Variants in DNAH9 observed in about 807,000 individuals in gnomAD.
DNAH9 encodes the protein DNAH9 variant protein.
In DNAH9, 345 loss-of-function variants were observed where a neutral mutation model predicts 471.6. The observed-to-expected ratio is 0.73, with a 90% CI of 0.67 to 0.80. The LOEUF is 0.80. Among genes scored for constraint, DNAH9 ranks in the 30% least tolerant of loss-of-function variants. The pLI is 0.00. For synonymous variants in DNAH9, 2,093 were observed against 2,123.6 expected (o/e 0.99, Z 0.40); for missense variants, 5,407 against 5,609.2 (o/e 0.96, Z 1.15).
chr17:11,941,567 TTGTG>T (rs1974907859), intron 66 of DNAH9, among the ~76,000 whole-genome samples: 1 of 152,068 alleles, frequency 6.6e-6, no homozygotes, highest in South Asian at 2.1e-4. Flanking sequence ...AGCTGACAGT[TTGTG>T]TGGGGAAAAG....
chr17:11,781,621 C>T (rs1195993985), intron 39 of DNAH9, among the ~76,000 whole-genome samples: 2 of 152,132 alleles, frequency 1.3e-5, no homozygotes, highest in Non-Finnish European at 2.9e-5. Flanking sequence ...ATCACAAGGT[C>T]AGGAGTTCGA....
intron 35 of DNAH9, among the ~76,000 whole-genome samples, chr17:11,760,798 G>A (rs776834354): frequency 1.3e-5 from 2 of 152,188 alleles, no homozygotes; most frequent in Non-Finnish European, 2.9e-5. Context: ...GATTACAGGC[G>A]TGAGCCGCCG....
chr17:11,918,857 G>A (rs991237633), intron 61 of DNAH9, among the ~76,000 whole-genome samples: 6 of 152,108 alleles, frequency 3.9e-5, no homozygotes, highest in Admixed American at 1.3e-4. Flanking sequence ...GTGGTGGCAC[G>A]TGCCTGTAAT....
Position 11,930,024 on chromosome 17 carries a change from T to G in DNAH9, c.12036T>G (p.Ile4012Met), listed in dbSNP as rs778099360. 6.2e-7 allele frequency: 1 copy of G among 1,613,998 alleles called. No individual in the cohort carries two copies. The change falls in exon 63 of 69, where the codon ATT (isoleucine) becomes ATG (methionine). Residue 4012 changes from isoleucine to methionine, a missense_variant. By Grantham distance (10) the Ile-to-Met change is conservative. Transcript: ENST00000262442. ...IIPQGILENS[I>M]KITNEPPTGM... Reference sequence around the variant, plus strand: ...CCCAGGGCATCCTGGAGAACTCCATTAAGATCACCAATGAGCCCCCCACGG... The same window carrying G: ...CCCAGGGCATCCTGGAGAACTCCATGAAGATCACCAATGAGCCCCCCACGG...
chr17:11,623,444 G>T lies in DNAH9; in HGVS notation c.1350+3663G>T, dbSNP rs992665300. On this transcript the variant is annotated intron_variant, in intron 6 of 68. Coordinates refer to ENST00000262442, the MANE Select transcript of DNAH9 (RefSeq NM_001372.4). The surrounding 1 kb of genome is among the most constrained non-coding windows in gnomAD (Gnocchi z 4.1). ...TTTCATCTTCCCACGGCTACTCCTT[G>T]CCCCTTTTCCTCATATTTCCTCCCC... Among the ~76,000 whole-genome samples the T allele has an allele frequency of 6.6e-6, 1 of 151,716 alleles. No individual in the cohort carries two copies. Among genetic ancestry groups the T allele is most frequent in the Non-Finnish European group, 1.5e-5 (1 of 67,974 alleles).
chr17:11,869,179 G>A lies in DNAH9; in HGVS notation c.9979G>A (p.Ala3327Thr), dbSNP rs369259110. Residue 3327 changes from alanine (A) to threonine (T), a missense_variant, in exon 51 of 69, where the codon GCA becomes ACA. Physicochemically the swap from Ala to Thr is moderately conservative, Grantham distance 58. Transcript: ENST00000262442. ...LAKLTARFEK[A>T]TADKLKCQQE... Reference sequence around the variant, plus strand: ...AAAGCTCACAGCCAGGTTTGAGAAAGCAACAGCAGACAAACTCAAATGTCA... The same window carrying A: ...AAAGCTCACAGCCAGGTTTGAGAAAACAACAGCAGACAAACTCAAATGTCA... 3.1e-6 allele frequency: 5 copies of A among 1,613,646 alleles called. No homozygotes were observed. In the African/African-American group the frequency reaches 4.0e-5, roughly 13 times the overall value.
At chr17:11,668,274 TG>T (rs371685262) in intron 15 of DNAH9, among the ~76,000 whole-genome samples, 8 of 152,338 alleles carry the variant, frequency 5.3e-5, no homozygotes, top group Non-Finnish European at 1.2e-4. Flanking sequence ...TGTACATCGT[TG>T]ACAAGCCTGC....
chr17:11,618,412 C>A (rs1035051841), intron 5 of DNAH9, among the ~76,000 whole-genome samples: 8 of 151,980 alleles, frequency 5.3e-5, no homozygotes, highest in African/African-American at 1.5e-4. Flanking sequence ...ATGGTGAAAC[C>A]CCATCTCTAC....
intron 32 of DNAH9, among the ~76,000 whole-genome samples, chr17:11,752,004 A>G (rs1967173894): frequency 6.6e-6 from 1 of 152,198 alleles, no homozygotes; most frequent in Non-Finnish European, 1.5e-5. Context: ...CAGTAGCAAT[A>G]AAAATCATGA....
chr17:11,762,181 C>G (rs1471697870), intron 35 of DNAH9, among the ~76,000 whole-genome samples: 1 of 152,174 alleles, frequency 6.6e-6, no homozygotes, highest in Non-Finnish European at 1.5e-5. Flanking sequence ...GATTCAAAAC[C>G]AGCACAAATG....
At position 11,961,870 on chromosome 17, in the gene DNAH9, G is replaced by A. The variant is rs1741936058; in HGVS notation, c.12847G>A (p.Glu4283Lys). 6.3e-7 allele frequency: 1 copy of A among 1,599,152 alleles called. No individual in the cohort carries two copies. The highest frequency in any genetic ancestry group is 1.7e-5 in the Admixed American group (1 of 58,690). The change falls in exon 68 of 69, where the codon GAG becomes AAG. Residue 4283 changes from glutamate to lysine, a missense_variant. Coordinates refer to ENST00000262442, the MANE Select transcript of DNAH9 (RefSeq NM_001372.4). ...LRELELGLKGELTMTSHMENL... is the reference protein window; with the variant it reads ...LRELELGLKGKLTMTSHMENL... ...CCCTCCCATTCTTTATCTTCAGGGGGAGCTGACTATGACCAGCCACATGGA... is the reference window on the plus strand; with the variant it reads ...CCCTCCCATTCTTTATCTTCAGGGGAAGCTGACTATGACCAGCCACATGGA...
At chr17:11,656,187 TA>T (rs1326824659) in intron 14 of DNAH9, among the ~76,000 whole-genome samples, 1 of 152,206 alleles carries the variant, frequency 6.6e-6, no homozygotes, top group Non-Finnish European at 1.5e-5. Flanking sequence ...ATCAGCAGTG[TA>T]AAAGTGTTCC....
At position 11,806,916 on chromosome 17, in the gene DNAH9, T is replaced by C. The variant is rs556909980; in HGVS notation, c.8421-816T>C. On this transcript the variant is annotated intron_variant, in intron 43 of 68. Transcript: ENST00000262442. ...CTGCTGAGAGGGGTTAGACATACGATTGGAAGCGGATCCTGGAGGAGAGGC... is the reference window on the plus strand; with the variant it reads ...CTGCTGAGAGGGGTTAGACATACGACTGGAAGCGGATCCTGGAGGAGAGGC... 2.6e-5 allele frequency among the ~76,000 whole-genome samples: 4 copies of C among 152,188 alleles called. No individual in the cohort carries two copies. The South Asian group carries it at 6.2e-4, about 24-fold the overall frequency.
chr17:11,934,564 G>T (rs958660160), intron 65 of DNAH9, among the ~76,000 whole-genome samples: 4 of 147,630 alleles, frequency 2.7e-5, no homozygotes, highest in Admixed American at 6.9e-5. Flanking sequence ...TCCTGCCTCA[G>T]CCTCCCGAGT....
In DNAH9 at chr17:11,694,276, G is replaced by C. The variant is rs553194411; in HGVS notation, c.4746-45G>C. On this transcript the variant is annotated intron_variant, in intron 21 of 68. Transcript: ENST00000262442. ...TTAAGTAATGTATGTGTATCCATGG[G>C]TCTAGACATTCTTAACTGGGAAATT... The C allele has an allele frequency of 6.8e-6, 11 of 1,608,932 alleles. No homozygotes were observed. The East Asian group carries it at 2.5e-4, about 36-fold the overall frequency.
At chr17:11,965,739 G>GT (rs1343410410) in intron 68 of DNAH9, among the ~76,000 whole-genome samples, 4 of 152,054 alleles carry the variant, frequency 2.6e-5, no homozygotes, top group African/African-American at 9.7e-5. Flanking sequence ...TGTGAACTAT[G>GT]TATCACTGAA....
intron 36 of DNAH9, among the ~76,000 whole-genome samples, chr17:11,766,926 G>A (rs750651643): frequency 7.3e-5 from 11 of 150,310 alleles, no homozygotes; most frequent in East Asian, 1.9e-4. Flanking sequence ...CTGAGATCGC[G>A]CCACTGCCCT....
chr17:11,606,575 A>G (rs1597383192), intron 1 of DNAH9, among the ~76,000 whole-genome samples: 1 of 150,016 alleles, frequency 6.7e-6, no homozygotes, highest in Admixed American at 6.6e-5. Flanking sequence ...CAGCCTCCTG[A>G]AGTAGCTGGG....
At chr17:11,914,086 A>G (rs2190614) in intron 61 of DNAH9, among the ~76,000 whole-genome samples, 27,334 of 152,066 alleles carry the variant, frequency 0.18, 2,675 homozygotes, top group African/African-American at 0.26. Flanking sequence ...CTAGGATTAC[A>G]CTTCCTTCTT....
Sources: allele counts gnomAD v4.1 joint callset (sites outside exome capture counted in the v4.1 genomes callset), GRCh38; gene constraint gnomAD v4.1.1; non-coding constraint Gnocchi (gnomAD v3.1); transcripts MANE v1.5; gene names NCBI Gene and HGNC (gene_info 2026-07-23, HGNC 2026-07-21).